KIAA1217: variants seen among roughly 807,000 people sequenced by gnomAD.
The protein encoded by KIAA1217 is KIAA1217.
In KIAA1217, 88 loss-of-function variants were observed where a neutral mutation model predicts 163.9. That is an observed-to-expected ratio of 0.54 (90% CI 0.45 to 0.64). The LOEUF (loss-of-function observed/expected upper bound fraction) is 0.64. Among genes scored for constraint, KIAA1217 ranks in the 30% least tolerant of loss-of-function variants. The probability of loss-of-function intolerance (pLI) is 0.00; values close to 1 mark genes in which losing one functional copy is unlikely to be tolerated. For missense variants in KIAA1217, 2,372 were observed against 2,475.0 expected (o/e 0.96, Z 0.88); for synonymous variants, 903 against 923.1 (o/e 0.98, Z 0.39).
At chr10:23,802,535 A>AT (rs1836520936) in intron 1 of KIAA1217, among the ~76,000 whole-genome samples, 1 of 152,192 alleles carries the variant, frequency 6.6e-6, no homozygotes, top group Admixed American at 6.5e-5. Flanking sequence ...ATCAATGCAT[A>AT]TGAGGGATTA....
chr10:24,495,677 G>T (rs1465370134), intron 8 of KIAA1217, among the ~76,000 whole-genome samples: 1 of 152,192 alleles, frequency 6.6e-6, no homozygotes, highest in Non-Finnish European at 1.5e-5. Flanking sequence ...ATTTAAAATT[G>T]TTCTAAGTGC....
chr10:23,884,648 A>G (rs977704041), intron 1 of KIAA1217, among the ~76,000 whole-genome samples: 3 of 151,968 alleles, frequency 2.0e-5, no homozygotes, highest in African/African-American at 2.4e-5. Context: ...TGGCCAGACC[A>G]TTATCCAGGG....
intron 1 of KIAA1217, among the ~76,000 whole-genome samples, chr10:23,876,922 A>C (rs1554816655): frequency 6.6e-6 from 1 of 152,000 alleles, no homozygotes; most frequent in Non-Finnish European, 1.5e-5. Context: ...GTCATAGTGC[A>C]GCAGAGAGGA....
intron 1 of KIAA1217, among the ~76,000 whole-genome samples, chr10:23,900,303 G>A (rs1425158214): frequency 6.6e-6 from 1 of 152,006 alleles, no homozygotes; most frequent in Non-Finnish European, 1.5e-5. Flanking sequence ...ACCACACCCA[G>A]CCCCTTCCTT....
At chr10:23,955,007 G>GATA (rs943246922) in intron 1 of KIAA1217, among the ~76,000 whole-genome samples, 5 of 152,046 alleles carry the variant, frequency 3.3e-5, no homozygotes, top group African/African-American at 4.8e-5. Context: ...GTAAAAGGAA[G>GATA]ATAATAATAA....
intron 5 of KIAA1217, among the ~76,000 whole-genome samples, chr10:24,468,553 C>T (rs570274825): frequency 5.9e-5 from 9 of 152,290 alleles, no homozygotes; most frequent in East Asian, 5.8e-4. Context: ...TTGTATTCAG[C>T]GCCACTGTGG....
intron 2 of KIAA1217, among the ~76,000 whole-genome samples, chr10:24,227,694 G>A (rs1375996225): frequency 2.6e-5 from 4 of 151,656 alleles, no homozygotes; most frequent in South Asian, 2.1e-4. Flanking sequence ...CACCATGCCC[G>A]GCTAATTTTT....
intron 1 of KIAA1217, among the ~76,000 whole-genome samples, chr10:23,814,750 A>C (rs1370198306): frequency 6.6e-6 from 1 of 151,814 alleles, no homozygotes; most frequent in Non-Finnish European, 1.5e-5. Flanking sequence ...GTAGCATGAC[A>C]TTTTTCTGTT....
At chr10:24,066,097 A>G (rs1252284586) in intron 2 of KIAA1217, among the ~76,000 whole-genome samples, 1 of 152,232 alleles carries the variant, frequency 6.6e-6, no homozygotes, top group Admixed American at 6.5e-5. Context: ...TCTTTATCCA[A>G]TTTGCCAGTC....
intron 1 of KIAA1217, among the ~76,000 whole-genome samples, chr10:24,210,595 T>C (rs2067956572): frequency 6.6e-6 from 1 of 152,074 alleles, no homozygotes; most frequent in Non-Finnish European, 1.5e-5. Context: ...GAAATGACTT[T>C]CCAACAATCA....
chr10:23,761,195 G>A (rs923130805), intron 1 of KIAA1217, among the ~76,000 whole-genome samples: 3 of 152,310 alleles, frequency 2.0e-5, no homozygotes, highest in Middle Eastern at 3.4e-3. Context: ...GAGCCCAGGA[G>A]TTCAAGTCCA....
At chr10:23,942,247 T>C (rs2131337254) in intron 1 of KIAA1217, among the ~76,000 whole-genome samples, 1 of 152,290 alleles carries the variant, frequency 6.6e-6, no homozygotes, top group South Asian at 2.1e-4. Flanking sequence ...ATTTGGAGAC[T>C]AGCAGACAAA....
intron 1 of KIAA1217, among the ~76,000 whole-genome samples, chr10:23,839,437 G>T (rs1451607801): frequency 6.6e-6 from 1 of 151,932 alleles, no homozygotes; most frequent in South Asian, 2.1e-4. Context: ...CTTCAGATCC[G>T]CTTTTGCTGA....
At chr10:24,402,166 G>GT (rs1021540176) in intron 3 of KIAA1217, among the ~76,000 whole-genome samples, 104 of 152,062 alleles carry the variant, frequency 6.8e-4, no homozygotes, top group African/African-American at 2.0e-3. Context: ...ACCACAGCAA[G>GT]TTTTTTTTGT....
Position 23,754,242 on chromosome 10 carries a change from A to C in KIAA1217, c.-321+59008A>C, listed in dbSNP as rs188956539. Among the ~76,000 whole-genome samples, 699 of 152,372 alleles carry C rather than the reference A, an allele frequency of 4.6e-3. 1 individual carries two copies. Among genetic ancestry groups the C allele is most frequent in the African/African-American group, 0.015 (624 of 41,590 alleles). On this transcript the variant is annotated intron_variant, in intron 1 of 18. Transcript: ENST00000376462. ...CACGGGGAAGGCAATGCATGGGTGC[A>C]TCAGAGACAATCATGTCAAAAAAGA... is the stretch of plus-strand genomic sequence containing the variant.
chr10:23,807,768 A>G (rs1192019342), intron 1 of KIAA1217, among the ~76,000 whole-genome samples: 1 of 152,226 alleles, frequency 6.6e-6, no homozygotes, highest in Non-Finnish European at 1.5e-5. Flanking sequence ...GCTGTCAGAA[A>G]TGAGGAGGGA....
chr10:24,147,020 A>G (rs1264884655), intron 2 of KIAA1217, among the ~76,000 whole-genome samples: 1 of 151,724 alleles, frequency 6.6e-6, no homozygotes, highest in Non-Finnish European at 1.5e-5. Flanking sequence ...AAAAAAAAAA[A>G]AAAAAAAAAA....
At chr10:23,940,460 C>CAAAAAAAAAAAAAAAAAAAAAAAAAAA (rs760090400) in intron 1 of KIAA1217, among the ~76,000 whole-genome samples, 1 of 46,026 alleles carries the variant, frequency 2.2e-5, no homozygotes, top group Non-Finnish European at 4.8e-5. Flanking sequence ...GACTCCGTCT[C>CAAAAAAAAAAAAAAAAAAAAAAAAAAA]AAAAAAAAAA....
chr10:24,275,238 T>C (rs1316794309), intron 2 of KIAA1217, among the ~76,000 whole-genome samples: 1 of 152,196 alleles, frequency 6.6e-6, no homozygotes, highest in African/African-American at 2.4e-5. Flanking sequence ...TGCCTTAGCC[T>C]CCCAAAGTGC....
Sources: gnomAD v4.1 joint callset for allele counts (sites outside exome capture counted in the v4.1 genomes callset) on GRCh38, gnomAD v4.1.1 for gene constraint, MANE v1.5 for transcripts, NCBI Gene and HGNC (gene_info 2026-07-23, HGNC 2026-07-21) for gene names.